Variants in PHTF1 observed in about 807,000 individuals in gnomAD.
The protein encoded by PHTF1 is putative homeodomain transcription factor 1.
Under a neutral mutation model 102.4 loss-of-function variants are expected in PHTF1, and 88 were observed. That is an observed-to-expected ratio of 0.86 (90% CI 0.72 to 1.03). The LOEUF (loss-of-function observed/expected upper bound fraction) is 1.03. Among genes scored for constraint, PHTF1 ranks in the 50% least tolerant of loss-of-function variants. The probability of loss-of-function intolerance (pLI) is 0.00; values close to 1 mark genes in which losing one functional copy is unlikely to be tolerated. For synonymous variants in PHTF1, 289 were observed against 305.2 expected (o/e 0.95, Z 0.55); for missense variants, 814 against 909.5 (o/e 0.89, Z 1.35).
At chr1:113,700,399 C>T (rs1463645864) in intron 16 of PHTF1, among the ~76,000 whole-genome samples, 1 of 152,072 alleles carries the variant, frequency 6.6e-6, no homozygotes, top group Non-Finnish European at 1.5e-5. Context: ...TACTGAAAAC[C>T]AAGTATCTTC....
intron 5 of PHTF1, among the ~76,000 whole-genome samples, chr1:113,736,651 A>G (rs530151160): frequency 6.6e-6 from 1 of 152,274 alleles, no homozygotes; most frequent in South Asian, 2.1e-4. Context: ...AGGTTGAGGC[A>G]CGAGAATCAC....
intron 15 of PHTF1, 27 bp downstream of exon 15, chr1:113,704,054 T>C (rs1649747305): frequency 6.8e-7 from 1 of 1,478,334 alleles, no homozygotes; most frequent in Non-Finnish European, 9.4e-7. Flanking sequence ...TTTTCATTTT[T>C]CCTTAAAGCA....
chr1:113,697,870 A>C, intron 18 of PHTF1, 145 bp from the exon 19 acceptor site: 1 of 634,608 alleles, frequency 1.6e-6, no homozygotes, highest in Non-Finnish European at 2.8e-6. Context: ...AGAACATCAT[A>C]GAGAAAAAAC....
upstream of PHTF1, among the ~76,000 whole-genome samples, chr1:113,759,849 G>A (rs1659447248): frequency 6.6e-6 from 1 of 152,246 alleles, no homozygotes; most frequent in African/African-American, 2.4e-5. Flanking sequence ...TGAGGTCAGA[G>A]ACTGGGGCCT....
intron 3 of PHTF1, among the ~76,000 whole-genome samples, chr1:113,744,973 G>A (rs1211829353): frequency 1.3e-5 from 2 of 151,084 alleles, no homozygotes; most frequent in Non-Finnish European, 3.0e-5. Flanking sequence ...GAAGGGAAGG[G>A]GAGGGGAGTT....
chr1:113,738,112 T>G lies in PHTF1; in HGVS notation c.329A>C (p.Gln110Pro). The G allele has an allele frequency of 6.2e-7, 1 of 1,602,708 alleles. No homozygotes were observed. Among genetic ancestry groups the G allele is most frequent in the Non-Finnish European group, 8.5e-7 (1 of 1,172,112 alleles). The change falls in exon 5 of 19, where the codon CAA becomes CCA. Residue 110 changes from glutamine to proline, a missense_variant and splice_region_variant. Gln to Pro is a moderately conservative substitution (Grantham distance 76). Transcript: ENST00000369604. ...CTTATTCCAATTTCTCCAATTACCT[T>G]GCATGAAATAAAGTAGTAACAGCCA... is the stretch of plus-strand genomic sequence containing the variant. ...FVWLLLLYFMQVIAIVLYLMM... is the reference protein window; with the variant it reads ...FVWLLLLYFMPVIAIVLYLMM...
At chr1:113,717,826 C>T (rs1203058810) in intron 7 of PHTF1, among the ~76,000 whole-genome samples, 1 of 152,126 alleles carries the variant, frequency 6.6e-6, no homozygotes, top group Non-Finnish European at 1.5e-5. Context: ...CCCCATGATT[C>T]AATTACCTCC....
chr1:113,729,290 G>C (rs1472712847), intron 5 of PHTF1, among the ~76,000 whole-genome samples: 2 of 152,154 alleles, frequency 1.3e-5, no homozygotes, highest in Non-Finnish European at 2.9e-5. Flanking sequence ...GGTGGAGTAG[G>C]GGATGTGGGG....
chr1:113,698,618 TATACACACACAC>T (rs1339907003), intron 17 of PHTF1, among the ~76,000 whole-genome samples: 134 of 115,838 alleles, frequency 1.2e-3, no homozygotes, highest in Admixed American at 2.2e-3. Flanking sequence ...TATATATATA[TATACACACACAC>T]ACACACACAC....
At chr1:113,698,596 C>A (rs1364446326) in intron 17 of PHTF1, among the ~76,000 whole-genome samples, 1 of 147,208 alleles carries the variant, frequency 6.8e-6, no homozygotes, top group Non-Finnish European at 1.5e-5. Context: ...AGCAATATGT[C>A]ATTTGTAGTT....
At chr1:113,755,177 C>A (rs1414449683) in intron 3 of PHTF1, among the ~76,000 whole-genome samples, 4 of 150,630 alleles carry the variant, frequency 2.7e-5, no homozygotes, top group African/African-American at 7.3e-5. Context: ...CTTATTTGTT[C>A]TTTTATTTTT....
chr1:113,707,335 A>G (rs1165666748), intron 11 of PHTF1, among the ~76,000 whole-genome samples: 1 of 152,140 alleles, frequency 6.6e-6, no homozygotes, highest in Non-Finnish European at 1.5e-5. Context: ...CACAATGAAA[A>G]CAGCTCCCTC....
intron 11 of PHTF1, 133 bp from the exon 12 acceptor site, chr1:113,706,855 T>A: frequency 1.2e-5 from 4 of 321,106 alleles, no homozygotes; most frequent in Non-Finnish European, 2.2e-5. Flanking sequence ...TTCTTTCTTT[T>A]TTTTTTTTTT....
At chr1:113,722,632 G>T (rs1357633305) in intron 7 of PHTF1, among the ~76,000 whole-genome samples, 1 of 151,770 alleles carries the variant, frequency 6.6e-6, no homozygotes, top group Non-Finnish European at 1.5e-5. Flanking sequence ...CATGGAATTG[G>T]CCAGGCATGG....
intron 3 of PHTF1, among the ~76,000 whole-genome samples, chr1:113,750,588 G>A (rs963981923): frequency 6.6e-5 from 10 of 152,126 alleles, no homozygotes; most frequent in Non-Finnish European, 1.2e-4. Flanking sequence ...GCCAGGCGTG[G>A]TGGCTCACGC....
chr1:113,712,784 ATTT>A (rs35092721), intron 8 of PHTF1, among the ~76,000 whole-genome samples: 29,199 of 131,432 alleles, frequency 0.22, 3,027 homozygotes, highest in South Asian at 0.36. Flanking sequence ...AACTCACAAA[ATTT>A]TTTTTTTTTT....
chr1:113,698,276 C>G lies in PHTF1; in HGVS notation c.2254G>C (p.Gly752Arg). The part of the protein sequence containing the change: ...AVSGVISDLL[G>R]FNIRLWKIKS Reference sequence around the variant, plus strand: ...GTGATACTTACTCTTATATTAAATCCTAGAAGATCACTTATAACACCTGAG... The same window carrying G: ...GTGATACTTACTCTTATATTAAATCGTAGAAGATCACTTATAACACCTGAG... Residue 752 changes from glycine to arginine, a missense_variant, in exon 18 of 19, where the codon GGA (glycine) becomes CGA (arginine). Gly to Arg is a moderately radical substitution (Grantham distance 125, BLOSUM62 -2). Transcript: ENST00000369604. The G allele has an allele frequency of 6.2e-7, 1 of 1,606,254 alleles. No individual in the cohort carries two copies. The highest frequency in any genetic ancestry group is 1.1e-5 in the South Asian group (1 of 90,894).
At chr1:113,722,264 C>A (rs1008554662) in intron 7 of PHTF1, among the ~76,000 whole-genome samples, 1 of 151,548 alleles carries the variant, frequency 6.6e-6, no homozygotes, top group Non-Finnish European at 1.5e-5. Flanking sequence ...ATGGTGAAAC[C>A]CCATCTCTAC....
At position 113,726,514 on chromosome 1, in the gene PHTF1, G is replaced by T; in HGVS notation, c.392C>A (p.Pro131His). The part of the protein sequence containing the change: ...PIVNISEVLG[P>H]LCLMLLMGTV... Reference sequence around the variant, plus strand: ...TCCCATGAGTAGCATAAGGCACAAGGGTCCAAGTACTTCACTTATGTTCAC... The same window carrying T: ...TCCCATGAGTAGCATAAGGCACAAGTGTCCAAGTACTTCACTTATGTTCAC... Residue 131 changes from proline (P) to histidine (H), a missense_variant, in exon 6 of 19, where the codon CCC becomes CAC. Physicochemically the swap from Pro to His is moderately conservative, Grantham distance 77 (BLOSUM62 -2). Transcript: ENST00000369604. 1 of 1,607,778 alleles carries T rather than the reference G, an allele frequency of 6.2e-7. No homozygotes were observed. Among genetic ancestry groups the T allele is most frequent in the Non-Finnish European group, 8.5e-7 (1 of 1,175,532 alleles).
Sources: gnomAD v4.1 joint callset for allele counts (sites outside exome capture counted in the v4.1 genomes callset) on GRCh38, gnomAD v4.1.1 for gene constraint, MANE v1.5 for transcripts, NCBI Gene and HGNC (gene_info 2026-07-23, HGNC 2026-07-21) for gene names.